THOP1: variants seen among roughly 807,000 people sequenced by gnomAD.
THOP1 encodes thimet oligopeptidase.
In THOP1, 49 loss-of-function variants were observed where a neutral mutation model predicts 71.8. The ratio of observed to expected loss-of-function variants is 0.68; its 90% CI spans 0.54 to 0.87. The LOEUF is 0.87. THOP1 is among the 40% of genes least tolerant of loss of function. The pLI, the probability that THOP1 is intolerant of heterozygous loss-of-function variation, is 0.00. For missense variants in THOP1, 843 were observed against 975.6 expected, an observed-to-expected ratio of 0.86 and a Z score of 1.81; for synonymous variants, 426 against 421.5, an observed-to-expected ratio of 1.01 and a Z score of -0.13.
chr19:2,805,118 G>A lies in THOP1; in HGVS notation c.692G>A (p.Cys231Tyr). 6.2e-7 allele frequency: 1 copy of A among 1,612,836 alleles called. No homozygotes were observed. Among genetic ancestry groups the A allele is most frequent in the Non-Finnish European group, 8.5e-7 (1 of 1,179,852 alleles). The part of the protein sequence containing the change: ...YPHYFPLLKK[C>Y]HVPETRRKVE... ...CATTACTTCCCCCTCCTGAAGAAAT[G>A]CCACGTGCCTGAGACCAGGAGGAAA... Residue 231 changes from cysteine to tyrosine, a missense_variant, in exon 6 of 13, where the codon TGC becomes TAC. By Grantham distance (194) the Cys-to-Tyr change is radical. Coordinates refer to ENST00000307741, the MANE Select transcript of THOP1 (RefSeq NM_003249.5). This position sits in a 1 kb window ranked among gnomAD's most constrained non-coding sequence, Gnocchi z 6.6.
chr19:2,796,294 C>T (rs1406006777), intron 4 of THOP1, 106 bp downstream of exon 4: 5 of 890,908 alleles, frequency 5.6e-6, no homozygotes, highest in African/African-American at 5.1e-5. Flanking sequence ...GCAAGAAGCG[C>T]AGGGCAGGGG....
chr19:2,798,841 G>A (rs1456741676), intron 4 of THOP1, among the ~76,000 whole-genome samples: 4 of 152,252 alleles, frequency 2.6e-5, no homozygotes, highest in Non-Finnish European at 4.4e-5. Context: ...CTGAGTCAAA[G>A]TACAGCCCTG....
chr19:2,813,101 T>C lies in THOP1; in HGVS notation c.1909-14T>C, dbSNP rs1296392973. ...GGGTCCCCACCCGGCCACAGTGCCCTGTCTCCTCGGCAGGTTGGCATGGAT... is the reference window on the plus strand; with the variant it reads ...GGGTCCCCACCCGGCCACAGTGCCCCGTCTCCTCGGCAGGTTGGCATGGAT... On this transcript the variant is annotated splice_polypyrimidine_tract_variant and intron_variant, in intron 12 of 12. Transcript: ENST00000307741. The C allele has an allele frequency of 3.1e-6, 5 of 1,601,578 alleles. No individual in the cohort carries two copies. The highest frequency in any genetic ancestry group is 3.4e-6 in the Non-Finnish European group (4 of 1,173,160).
At chr19:2,811,089 C>T (rs1916450570) in intron 11 of THOP1, among the ~76,000 whole-genome samples, 1 of 152,236 alleles carries the variant, frequency 6.6e-6, no homozygotes, top group Non-Finnish European at 1.5e-5. Flanking sequence ...ACAGGAAGGC[C>T]TAGGAATTTC....
intron 12 of THOP1, chr19:2,812,362 G>A: frequency 6.6e-7 from 1 of 1,523,424 alleles, no homozygotes; most frequent in Non-Finnish European, 8.8e-7. Flanking sequence ...ATTGCACTGG[G>A]CAGCCTGCAG....
At position 2,810,741 on chromosome 19, in the gene THOP1, G is replaced by A. The variant is rs2144784676; in HGVS notation, c.1744G>A (p.Glu582Lys). Residue 582 changes from glutamate (E) to lysine (K), a missense_variant, in exon 11 of 13, where the codon GAG becomes AAG. Coordinates refer to ENST00000307741, the MANE Select transcript of THOP1 (RefSeq NM_003249.5). ...PAEEYARLCQEILGVPATPGT... is the reference protein window; with the variant it reads ...PAEEYARLCQKILGVPATPGT... ...CGAGGAGTATGCGCGGCTCTGCCAG[G>A]AGATCCTCGGGGTCCCGGCCACGCC... 7.5e-6 allele frequency: 12 copies of A among 1,601,368 alleles called. No homozygotes were observed. The highest frequency in any genetic ancestry group is 1.3e-5 in the African/African-American group (1 of 74,924).
intron 2 of THOP1, 86 bp from the exon 3 acceptor site, chr19:2,794,678 A>C (rs1915968833): frequency 6.7e-7 from 1 of 1,490,056 alleles, no homozygotes; most frequent in African/African-American, 1.4e-5. Context: ...TTCAGCAGAC[A>C]GGCCTGGGAG....
chr19:2,794,859 G>A lies in THOP1; in HGVS notation c.325G>A (p.Asp109Asn), dbSNP rs748495490. ...GGCCGACAAGAAGCTCTCTGAGTTC[G>A]ACGTGGAGATGAGCATGAGGGAGGA... ...TEADKKLSEF[D>N]VEMSMREDVY... Residue 109 changes from aspartate to asparagine, a missense_variant, in exon 3 of 13, where the codon GAC (aspartate) becomes AAC (asparagine). Transcript: ENST00000307741. The A allele has an allele frequency of 6.1e-5, 99 of 1,613,924 alleles. No individual in the cohort carries two copies. Among genetic ancestry groups the A allele is most frequent in the Admixed American group, 1.7e-4 (10 of 60,012 alleles).
At chr19:2,799,604 C>T (rs1268597239) in intron 4 of THOP1, 85 bp from the exon 5 acceptor site, 5 of 1,104,322 alleles carry the variant, frequency 4.5e-6, no homozygotes, top group Non-Finnish European at 5.4e-6. Flanking sequence ...CCTCAGCCCT[C>T]GGCGAGAGGG....
In THOP1 at chr19:2,790,439, C is replaced by G; in HGVS notation, c.35C>G (p.Ala12Gly). Residue 12 changes from alanine (A) to glycine (G), a missense_variant, in exon 2 of 13, where the codon GCG (alanine) becomes GGG (glycine). Physicochemically the swap from Ala to Gly is moderately conservative, Grantham distance 60 (BLOSUM62 0). Transcript: ENST00000307741. ...KPPAACAGDM[A>G]DAASPCSVVN... Reference sequence around the variant, plus strand: ...TGCGTAGCCTGTGCAGGAGACATGGCGGACGCAGCATCTCCGTGCTCTGTG... The same window carrying G: ...TGCGTAGCCTGTGCAGGAGACATGGGGGACGCAGCATCTCCGTGCTCTGTG... The G allele has an allele frequency of 1.3e-6, 2 of 1,564,352 alleles. No homozygotes were observed. Among genetic ancestry groups the G allele is most frequent in the Non-Finnish European group, 1.7e-6 (2 of 1,154,752 alleles).
At chr19:2,807,130 C>A (rs1247603978) in intron 7 of THOP1, 78 bp downstream of exon 7, 2 of 1,473,002 alleles carry the variant, frequency 1.4e-6, no homozygotes, top group East Asian at 2.4e-5. Context: ...GTCGGTGCTA[C>A]CCCTAGAGCC....
chr19:2,794,752 C>T lies in THOP1; in HGVS notation c.230-12C>T. 1 of 1,607,332 alleles carries T rather than the reference C, an allele frequency of 6.2e-7. No homozygotes were observed. Among genetic ancestry groups the T allele is most frequent in the Non-Finnish European group, 8.5e-7 (1 of 1,174,348 alleles). ...GTTCTCACACCTGTCTCCCTGGTCT[C>T]CCCTGTTTTAGTTCAGAGGAATATC... is the stretch of plus-strand genomic sequence containing the variant. On this transcript the variant is annotated splice_polypyrimidine_tract_variant and intron_variant, in intron 2 of 12. Coordinates refer to ENST00000307741, the MANE Select transcript of THOP1 (RefSeq NM_003249.5).
chr19:2,809,894 C>T, intron 9 of THOP1: 1 of 193,040 alleles, frequency 5.2e-6, no homozygotes, highest in Non-Finnish European at 1.1e-5. Context: ...CAGCGGGACT[C>T]AGTCAAGGGC....
chr19:2,810,987 G>T (rs917128475), intron 11 of THOP1, among the ~76,000 whole-genome samples: 1 of 152,252 alleles, frequency 6.6e-6, no homozygotes, highest in Non-Finnish European at 1.5e-5. Flanking sequence ...CCCCCAGGAG[G>T]AGTGTGTTCC....
chr19:2,791,336 A>G (rs1568318644), intron 2 of THOP1, among the ~76,000 whole-genome samples: 1 of 152,152 alleles, frequency 6.6e-6, no homozygotes, highest in Non-Finnish European at 1.5e-5. Flanking sequence ...CCACCCTTCC[A>G]TCTAGCGGAA....
chr19:2,791,977 C>G (rs1915894253), intron 2 of THOP1, among the ~76,000 whole-genome samples: 1 of 152,214 alleles, frequency 6.6e-6, no homozygotes, highest in Non-Finnish European at 1.5e-5. Context: ...CCTCGCGCCC[C>G]TCGCCCTGTG....
rs376622527 is a variant in THOP1, at chr19:2,799,670, G to A, written c.487-19G>A. On this transcript the variant is annotated intron_variant, in intron 4 of 12. Coordinates refer to ENST00000307741, the MANE Select transcript of THOP1 (RefSeq NM_003249.5). ...CGCCCCGGTCTCTCCCTCCCCTCAC[G>A]CCCCGCCTTTCTCTCCAGAACATCA... 2.1e-4 allele frequency: 322 copies of A among 1,545,370 alleles called. No homozygotes were observed. Among genetic ancestry groups the A allele is most frequent in the East Asian group, 3.0e-4 (13 of 42,818 alleles).
intron 5 of THOP1, among the ~76,000 whole-genome samples, chr19:2,802,044 A>G (rs934685610): frequency 6.7e-6 from 1 of 149,256 alleles, no homozygotes; most frequent in African/African-American, 2.5e-5. Context: ...ACCTCTCAAT[A>G]CCGCCACCTC....
chr19:2,811,959 C>G, intron 12 of THOP1: 1 of 1,170,182 alleles, frequency 8.5e-7, no homozygotes, highest in South Asian at 1.6e-5. Context: ...GCCGGGTGAG[C>G]CATCCCGGCC....
Sources: gnomAD v4.1 joint callset for allele counts (sites outside exome capture counted in the v4.1 genomes callset) on GRCh38, gnomAD v4.1.1 for gene constraint, Gnocchi (gnomAD v3.1) non-coding constraint, MANE v1.5 for transcripts, NCBI Gene and HGNC (gene_info 2026-07-23, HGNC 2026-07-21) for gene names.